The following RNGTT variants were observed in gnomAD, a reference collection of about 807,000 sequenced individuals.
RNGTT encodes mRNA-capping enzyme.
A neutral mutation model predicts 79.3 loss-of-function variants in RNGTT; 33 were observed. That is an observed-to-expected ratio of 0.42 (90% confidence interval 0.32 to 0.56). The LOEUF is 0.56. Ranked by LOEUF, RNGTT falls within the 20% of genes least tolerant of loss-of-function variation. RNGTT has a pLI of 0.17. For synonymous variants in RNGTT, 222 were observed against 235.9 expected (o/e 0.94, Z 0.54); for missense variants, 497 against 739.1 (o/e 0.67, Z 3.80).
intron 11 of RNGTT, among the ~76,000 whole-genome samples, chr6:88,832,923 C>A (rs1207203055): frequency 6.6e-6 from 1 of 151,862 alleles, no homozygotes; most frequent in African/African-American, 2.4e-5. Flanking sequence ...AGTCAGGAAA[C>A]AACAGATGCT....
chr6:88,774,762 G>A (rs1778816173), intron 12 of RNGTT, among the ~76,000 whole-genome samples: 1 of 152,012 alleles, frequency 6.6e-6, no homozygotes, highest in Non-Finnish European at 1.5e-5. Flanking sequence ...ATTTAAAATA[G>A]AAAAAAATCA....
intron 11 of RNGTT, among the ~76,000 whole-genome samples, chr6:88,842,466 G>GA (rs879637851): frequency 2.0e-5 from 3 of 150,988 alleles, no homozygotes; most frequent in African/African-American, 4.9e-5. Context: ...TAATAACAAA[G>GA]AAAAAAAAGA....
At chr6:88,683,318 T>G (rs1775159248) in intron 13 of RNGTT, among the ~76,000 whole-genome samples, 1 of 152,118 alleles carries the variant, frequency 6.6e-6, no homozygotes, top group African/African-American at 2.4e-5. Flanking sequence ...GAGGATATTA[T>G]AAATACTTTT....
At chr6:88,731,921 T>C (rs1777129823) in intron 13 of RNGTT, among the ~76,000 whole-genome samples, 1 of 152,226 alleles carries the variant, frequency 6.6e-6, no homozygotes, top group East Asian at 1.9e-4. Flanking sequence ...TAAAGTAGGC[T>C]AAAGGAAAGA....
In RNGTT at chr6:88,915,437, T is replaced by C. The variant is rs142503181; in HGVS notation, c.368-8997A>G. ...TATACCATAGAATACTATGCAGCCA[T>C]AAAAAAGAATGAAATCACATCCCTC... On this transcript the variant is annotated intron_variant, in intron 4 of 15. Transcript: ENST00000369485. Among the ~76,000 whole-genome samples, 1,449 of 152,210 alleles carry C rather than the reference T, an allele frequency of 9.5e-3. 24 individuals carry two copies. Among genetic ancestry groups the C allele is most frequent in the African/African-American group, 0.032 (1,334 of 41,522 alleles).
At chr6:88,803,838 C>G (rs1178053357) in intron 11 of RNGTT, among the ~76,000 whole-genome samples, 1 of 151,904 alleles carries the variant, frequency 6.6e-6, no homozygotes, top group Non-Finnish European at 1.5e-5. Flanking sequence ...TAAAAAATAG[C>G]CAGTTAGCAA....
chr6:88,624,517 T>A (rs1035352882), intron 14 of RNGTT, among the ~76,000 whole-genome samples: 7 of 152,038 alleles, frequency 4.6e-5, no homozygotes, highest in African/African-American at 1.7e-4. Flanking sequence ...CTGGAAAAAT[T>A]GGATATTCAT....
At chr6:88,944,225 C>A (rs1325974971) in intron 1 of RNGTT, among the ~76,000 whole-genome samples, 1 of 152,198 alleles carries the variant, frequency 6.6e-6, no homozygotes, top group African/African-American at 2.4e-5. Flanking sequence ...TTACTCCTAA[C>A]AATAAGTATT....
chr6:88,736,662 C>T (rs1777296974), intron 13 of RNGTT, among the ~76,000 whole-genome samples: 1 of 152,120 alleles, frequency 6.6e-6, no homozygotes, highest in African/African-American at 2.4e-5. Context: ...GTTCATATTT[C>T]AAAAGATGAG....
intron 14 of RNGTT, among the ~76,000 whole-genome samples, chr6:88,629,912 C>G (rs1393621803): frequency 2.6e-5 from 4 of 152,178 alleles, no homozygotes; most frequent in Non-Finnish European, 5.9e-5. Flanking sequence ...GATATTCTCA[C>G]ACTAGCATGC....
intron 14 of RNGTT, among the ~76,000 whole-genome samples, chr6:88,664,729 C>T (rs1210293347): frequency 6.6e-6 from 1 of 152,168 alleles, no homozygotes; most frequent in East Asian, 1.9e-4. Flanking sequence ...AGACCCCAGA[C>T]AAGGACGAAG....
intron 11 of RNGTT, among the ~76,000 whole-genome samples, chr6:88,825,463 G>A (rs982482752): frequency 6.6e-6 from 1 of 152,268 alleles, no homozygotes; most frequent in East Asian, 1.9e-4. Context: ...GATATTCATC[G>A]AAACATTAGT....
chr6:88,894,204 T>G (rs977871294), intron 6 of RNGTT, among the ~76,000 whole-genome samples: 2 of 152,220 alleles, frequency 1.3e-5, no homozygotes, highest in South Asian at 4.1e-4. Flanking sequence ...AATCTTGAAT[T>G]TGCATTTTTA....
chr6:88,628,393 G>T (rs1772717140), intron 14 of RNGTT, among the ~76,000 whole-genome samples: 1 of 152,066 alleles, frequency 6.6e-6, no homozygotes, highest in African/African-American at 2.4e-5. Flanking sequence ...CTTTTATTCT[G>T]AAATATTCAA....
At chr6:88,919,949 A>G (rs1359833859) in intron 4 of RNGTT, among the ~76,000 whole-genome samples, 1 of 152,070 alleles carries the variant, frequency 6.6e-6, no homozygotes, top group Non-Finnish European at 1.5e-5. Flanking sequence ...TCGGCCTCCC[A>G]AAGTGTTGGG....
intron 4 of RNGTT, among the ~76,000 whole-genome samples, chr6:88,915,483 G>A (rs1783970452): frequency 6.6e-6 from 1 of 152,200 alleles, no homozygotes; most frequent in African/African-American, 2.4e-5. Context: ...GGATGCAGCT[G>A]GAGGCCATTA....
intron 13 of RNGTT, among the ~76,000 whole-genome samples, chr6:88,729,958 G>A (rs995909008): frequency 7.9e-5 from 12 of 152,086 alleles, no homozygotes; most frequent in Non-Finnish European, 1.3e-4. Context: ...ATTCTTGTCA[G>A]GTGCTGTGTC....
intron 12 of RNGTT, among the ~76,000 whole-genome samples, chr6:88,772,071 T>C (rs1031169584): frequency 2.0e-5 from 3 of 151,766 alleles, no homozygotes; most frequent in African/African-American, 7.3e-5. Flanking sequence ...CCCGGCTCCT[T>C]AGGAGACTGA....
chr6:88,644,656 G>A (rs1773467430), intron 14 of RNGTT, among the ~76,000 whole-genome samples: 1 of 152,180 alleles, frequency 6.6e-6, no homozygotes, highest in East Asian at 1.9e-4. Context: ...TATCCATCAT[G>A]ATCAAGTGGG....
Sources: gnomAD v4.1 joint callset for allele counts (sites outside exome capture counted in the v4.1 genomes callset) on GRCh38, gnomAD v4.1.1 for gene constraint, MANE v1.5 for transcripts, NCBI Gene and HGNC (gene_info 2026-07-23, HGNC 2026-07-21) for gene names.